The following GABRA3 variants were observed in gnomAD, a reference collection of about 807,000 sequenced individuals.
The protein encoded by GABRA3 is gamma-aminobutyric acid type A receptor subunit alpha3.
In GABRA3, 10 loss-of-function variants were observed where a neutral mutation model predicts 30.1. That is an observed-to-expected ratio of 0.33 (90% confidence interval 0.20 to 0.56). The LOEUF (loss-of-function observed/expected upper bound fraction) is 0.56. Ranked by LOEUF, GABRA3 falls within the 20% of genes least tolerant of loss-of-function variation. The pLI, the probability that GABRA3 is intolerant of heterozygous loss-of-function variation, is 0.89. For synonymous variants in GABRA3, 151 were observed against 146.8 expected (o/e 1.03, Z -0.21); for missense variants, 233 against 392.0 (o/e 0.59, Z 3.42).
intron 6 of GABRA3, among the ~76,000 whole-genome samples, chrX:152,224,300 C>A (rs2124380925): frequency 8.9e-6 from 1 of 111,955 alleles, no homozygotes; most frequent in African/African-American, 3.2e-5. Context: ...CAAAAGTGAG[C>A]AAATCTTCAG....
chrX:152,350,737 G>A (rs1050322117), intron 2 of GABRA3, among the ~76,000 whole-genome samples: 4 of 111,352 alleles, frequency 3.6e-5, no homozygotes, highest in Non-Finnish European at 7.6e-5. Context: ...CTTTCCAGAA[G>A]GTTTTCAATG....
chrX:152,275,216 A>ATATATATATAATTTATATATATAATAT lies in GABRA3; in HGVS notation c.330+9451_330+9452insATATTATATATATAAATTATATATATA, dbSNP rs1939035242. ...ATATATAATTTATATATATAATATT[A>ATATATATATAATTTATATATATAATAT]TATATATATAATTTATATATATTTT... On this transcript the variant is annotated intron_variant, in intron 4 of 9. Coordinates refer to ENST00000370314, the MANE Select transcript of GABRA3 (RefSeq NM_000808.4). 3.0e-4 allele frequency among the ~76,000 whole-genome samples: 15 copies of ATATATATATAATTTATATATATAATAT among 49,623 alleles called. No homozygotes were observed. In the Admixed American group the frequency reaches 4.2e-3, roughly 14 times the overall value. The allele number at this position is 49,623 out of a possible 115,157, so 43.1% of individuals were successfully genotyped here. A position where few individuals can be genotyped will look rare whatever the true frequency, so the allele number is the denominator to read the frequency against.
intron 4 of GABRA3, among the ~76,000 whole-genome samples, chrX:152,279,858 A>T (rs1218844134): frequency 1.8e-5 from 2 of 110,917 alleles, no homozygotes; most frequent in African/African-American, 6.6e-5. Context: ...TAGGTATTTT[A>T]TTCTCTTTGA....
intron 3 of GABRA3, among the ~76,000 whole-genome samples, chrX:152,336,188 C>T (rs764728155): frequency 7.1e-4 from 78 of 109,585 alleles, no homozygotes; most frequent in Non-Finnish European, 1.1e-3. Context: ...ATCTCCCCCC[C>T]TTCATTTTTT....
intron 4 of GABRA3, among the ~76,000 whole-genome samples, chrX:152,275,660 G>A (rs1434624280): frequency 9.3e-6 from 1 of 107,782 alleles, no homozygotes; most frequent in Non-Finnish European, 1.9e-5. Flanking sequence ...TGGGGAGGCT[G>A]AGGCAGGAGA....
At chrX:152,415,842 T>C (rs1930199780) in intron 1 of GABRA3, among the ~76,000 whole-genome samples, 1 of 111,173 alleles carries the variant, frequency 9.0e-6, no homozygotes, top group African/African-American at 3.3e-5. Flanking sequence ...GCTTTCTCTA[T>C]TTCACTTAAA....
At chrX:152,176,136 A>G (rs1937073519) in intron 9 of GABRA3, among the ~76,000 whole-genome samples, 1 of 110,243 alleles carries the variant, frequency 9.1e-6, no homozygotes, top group Admixed American at 9.7e-5. Context: ...CCACTATGGG[A>G]TGAGTGAGTG....
rs147792487 is a variant in GABRA3, at chrX:152,264,941, G to A, written c.331-8943C>T. ...TGATAAAGGGTTCAATTCAGCAATA[G>A]GAAATAACAATTGTAAATATATATG... On this transcript the variant is annotated intron_variant, in intron 4 of 9. Transcript: ENST00000370314. Among the ~76,000 whole-genome samples the A allele has an allele frequency of 8.4e-3, 937 of 111,427 alleles. 12 individuals are homozygous for A. Among genetic ancestry groups the A allele is most frequent in the African/African-American group, 0.029 (882 of 30,721 alleles).
intron 1 of GABRA3, among the ~76,000 whole-genome samples, chrX:152,412,217 G>A (rs781515843): frequency 8.9e-6 from 1 of 111,846 alleles, no homozygotes; most frequent in African/African-American, 3.2e-5. Context: ...ATATATTGCT[G>A]ATGAGAATGC....
At chrX:152,434,685 C>T (rs753213330) in intron 1 of GABRA3, among the ~76,000 whole-genome samples, 7 of 111,755 alleles carry the variant, frequency 6.3e-5, no homozygotes, top group Non-Finnish European at 9.4e-5. Flanking sequence ...AAGAATAATA[C>T]ATCATGACCA....
intron 1 of GABRA3, among the ~76,000 whole-genome samples, chrX:152,390,703 T>C (rs1200298044): frequency 8.9e-6 from 1 of 111,741 alleles, no homozygotes; most frequent in Non-Finnish European, 1.9e-5. Flanking sequence ...TCCCAGAACA[T>C]AGGCTGCCAA....
intron 2 of GABRA3, among the ~76,000 whole-genome samples, chrX:152,347,983 C>T (rs1569403965): frequency 9.0e-6 from 1 of 111,551 alleles, no homozygotes; most frequent in Non-Finnish European, 1.9e-5. Context: ...GGCAACAGAG[C>T]AAGACCCTGT....
intron 3 of GABRA3, among the ~76,000 whole-genome samples, chrX:152,290,937 T>C (rs1263103164): frequency 8.9e-6 from 1 of 111,950 alleles, no homozygotes; most frequent in African/African-American, 3.3e-5. Context: ...TAGTTTGAAG[T>C]CAGGTAGCAT....
chrX:152,334,872 A>G (rs1603243610), intron 3 of GABRA3, among the ~76,000 whole-genome samples: 1 of 111,353 alleles, frequency 9.0e-6, no homozygotes, highest in East Asian at 2.8e-4. Context: ...CTGCCAGCTC[A>G]GTGAAACAGA....
At chrX:152,262,271 A>G (rs1236778222) in intron 4 of GABRA3, among the ~76,000 whole-genome samples, 1 of 112,408 alleles carries the variant, frequency 8.9e-6, no homozygotes, top group African/African-American at 3.2e-5. Flanking sequence ...TATTTTACCC[A>G]TTGTCTTGGT....
chrX:152,279,909 G>T (rs1459715007), intron 4 of GABRA3, among the ~76,000 whole-genome samples: 1 of 111,057 alleles, frequency 9.0e-6, no homozygotes, highest in African/African-American at 3.3e-5. Flanking sequence ...TTGGCTCTCT[G>T]TTTGTCTGTT....
At chrX:152,408,833 T>C (rs372989513) in intron 1 of GABRA3, among the ~76,000 whole-genome samples, 1 of 108,503 alleles carries the variant, frequency 9.2e-6, no homozygotes, top group East Asian at 2.9e-4. Flanking sequence ...TACAAAGGTA[T>C]AGTAACTAAA....
At chrX:152,344,012 C>T (rs1360475688) in intron 3 of GABRA3, among the ~76,000 whole-genome samples, 1 of 111,247 alleles carries the variant, frequency 9.0e-6, no homozygotes, top group Non-Finnish European at 1.9e-5. Context: ...TTTCCCAGTT[C>T]TATCTACTGA....
At chrX:152,345,476 T>A in intron 3 of GABRA3, 105 bp downstream of exon 3, 1 of 883,976 alleles carries the variant, frequency 1.1e-6, no homozygotes, top group Non-Finnish European at 1.6e-6. Context: ...TTTACACTAA[T>A]CTCATTGGCC....
Sources: allele counts gnomAD v4.1 joint callset (sites outside exome capture counted in the v4.1 genomes callset), GRCh38; gene constraint gnomAD v4.1.1; transcripts MANE v1.5; gene names NCBI Gene and HGNC (gene_info 2026-07-23, HGNC 2026-07-21).